EPHB6: variants seen among roughly 807,000 people sequenced by gnomAD.
EPHB6 encodes ephrin type-B receptor 6.
In EPHB6, 51 loss-of-function variants were observed where a neutral mutation model predicts 107.0. The observed-to-expected ratio is 0.48, with a 90% CI of 0.38 to 0.60. EPHB6 has a LOEUF of 0.60. Among genes scored for constraint, EPHB6 ranks in the 20% least tolerant of loss-of-function variants. The pLI, the probability that EPHB6 is intolerant of heterozygous loss-of-function variation, is 0.00. For synonymous variants in EPHB6, 553 were observed against 549.0 expected, an observed-to-expected ratio of 1.01 and a Z score of -0.10; for missense variants, 1,141 against 1,355.5, an observed-to-expected ratio of 0.84 and a Z score of 2.48.
In EPHB6 at chr7:142,868,932, G is replaced by A. The variant is rs113306865; in HGVS notation, c.2287-42G>A. On this transcript the variant is annotated intron_variant, in intron 15 of 19. Transcript: ENST00000652003. The surrounding 1 kb of genome is among the most constrained non-coding windows in gnomAD (Gnocchi z 4.2). Reference sequence around the variant, plus strand: ...ATGCAGTATGTTGAGGTCTCCCCCTGTCTCCGATCACTGACCTCTGCCCCC... The same window carrying A: ...ATGCAGTATGTTGAGGTCTCCCCCTATCTCCGATCACTGACCTCTGCCCCC... 31 of 1,445,688 alleles carry A rather than the reference G, an allele frequency of 2.1e-5. No individual in the cohort carries two copies. The highest frequency in any genetic ancestry group is 1.8e-4 in the Middle Eastern group (1 of 5,462). 89.6% of individuals were successfully genotyped at this position (1,445,688 alleles called of 1,614,324 possible).
In EPHB6 at chr7:142,864,649, C is replaced by T. The variant is rs61732976; in HGVS notation, c.849C>T (p.Pro283=). 1.1e-3 allele frequency: 1,738 copies of T among 1,612,702 alleles called. 14 individuals are homozygous for T. In the African/African-American group the frequency reaches 0.02, roughly 19 times the overall value. The change falls in exon 7 of 20, where the codon CCC becomes CCT. Residue 283 remains proline (P), a synonymous_variant. Coordinates refer to ENST00000652003, the MANE Select transcript of EPHB6 (RefSeq NM_004445.6). ...GVGGQAGGSP[P]RLHCNGEGKW... is the part of the protein sequence containing the mutation. ...GGGGCCAGGCAGGAGGCAGCCCCCCCAGGCTGCACTGCAACGGGGAGGGCA... is the reference window on the plus strand; with the variant it reads ...GGGGCCAGGCAGGAGGCAGCCCCCCTAGGCTGCACTGCAACGGGGAGGGCA...
Position 142,864,691 on chromosome 7 carries a change from CG to C in EPHB6, c.896del (p.Gly299AlafsTer143), listed in dbSNP as rs1554520615. On this transcript the variant is annotated frameshift_variant, in exon 7 of 20. Coordinates refer to ENST00000652003, the MANE Select transcript of EPHB6 (RefSeq NM_004445.6). LOFTEE classifies it high-confidence loss of function. ...NGEGKWMVAV[G>X]GCRCQPGYQP... ...GGGAGGGCAAGTGGATGGTAGCTGT[CG>C]GGGGCTGCCGCTGCCAGCCTGGATA... The C allele has an allele frequency of 6.2e-7, 1 of 1,612,644 alleles. No homozygotes were observed. The highest frequency in any genetic ancestry group is 1.7e-5 in the Admixed American group (1 of 60,008).
At position 142,865,990 on chromosome 7, in the gene EPHB6, T is replaced by C; in HGVS notation, c.1136T>C (p.Phe379Ser). 9.9e-6 allele frequency: 16 copies of C among 1,613,950 alleles called. No individual in the cohort carries two copies. The highest frequency in any genetic ancestry group is 1.4e-5 in the Non-Finnish European group (16 of 1,179,998). ...CCATCGGCTCCCCAGGAGCTTTGGTTTGAGGTGCAAGGCTCAGCACTCATG... is the reference window on the plus strand; with the variant it reads ...CCATCGGCTCCCCAGGAGCTTTGGTCTGAGGTGCAAGGCTCAGCACTCATG... ...GPPSAPQELW[F>S]EVQGSALMLH... The change falls in exon 9 of 20, where the codon TTT becomes TCT. Residue 379 changes from phenylalanine to serine, a missense_variant. Phe to Ser is a radical substitution (Grantham distance 155, BLOSUM62 -2). Coordinates refer to ENST00000652003, the MANE Select transcript of EPHB6 (RefSeq NM_004445.6).
rs575986383 is a variant in EPHB6, at chr7:142,870,086, A to G, written c.2610+120A>G. ...AAGATCTCATGGCTGTTGGATTGCC[A>G]TATCTTTGAGTTCCTTCTCCACTCC... On this transcript the variant is annotated intron_variant, in intron 17 of 19. Coordinates refer to ENST00000652003, the MANE Select transcript of EPHB6 (RefSeq NM_004445.6). The G allele has an allele frequency of 8.8e-6, 14 of 1,587,616 alleles. No individual in the cohort carries two copies. In the East Asian group the frequency reaches 2.9e-4, roughly 33 times the overall value.
chr7:142,865,106 C>T (rs1018395229), intron 7 of EPHB6, among the ~76,000 whole-genome samples: 2 of 152,128 alleles, frequency 1.3e-5, no homozygotes, highest in Admixed American at 6.5e-5. Flanking sequence ...CCCTGCCTCG[C>T]TGGGCCAGGT....
At position 142,864,343 on chromosome 7, in the gene EPHB6, T is replaced by C; in HGVS notation, c.543T>C (p.Ala181=). ...CCTCTTCTTCCTCTGCAGCGTGGGCTGTGGGACCCCACGGGGCTGGGCAGC... is the reference window on the plus strand; with the variant it reads ...CCTCTTCTTCCTCTGCAGCGTGGGCCGTGGGACCCCACGGGGCTGGGCAGC... ...SSSSSSSAAW[A]VGPHGAGQRA... The change falls in exon 7 of 20, where the codon GCT becomes GCC. Residue 181 remains alanine, a synonymous_variant. Transcript: ENST00000652003. 6.2e-7 allele frequency: 1 copy of C among 1,613,416 alleles called. No homozygotes were observed. Among genetic ancestry groups the C allele is most frequent in the Non-Finnish European group, 8.5e-7 (1 of 1,180,038 alleles).
In EPHB6 at chr7:142,855,259, G is replaced by A. The variant is rs1802544087; in HGVS notation, c.-558G>A. On this transcript the variant is annotated 5_prime_UTR_variant, in exon 1 of 20. Coordinates refer to ENST00000652003, the MANE Select transcript of EPHB6 (RefSeq NM_004445.6). The surrounding 1 kb of genome is among the most constrained non-coding windows in gnomAD (Gnocchi z 4.2). ...GGGACTCTCGGCGCCGAACGGACCC[G>A]GGCCGGGTGCAACGGGGTCCCCGGA... 1 of 152,222 alleles carries A rather than the reference G, an allele frequency of 6.6e-6. No individual in the cohort carries two copies. The highest frequency in any genetic ancestry group is 1.5e-5 in the Non-Finnish European group (1 of 68,064). The allele number at this position is 152,222 out of a possible 1,614,324, so 9.4% of individuals were successfully genotyped here.
At chr7:142,860,599 A>C (rs1802797569) in intron 1 of EPHB6, among the ~76,000 whole-genome samples, 1 of 152,238 alleles carries the variant, frequency 6.6e-6, no homozygotes, top group African/African-American at 2.4e-5. Context: ...GTAACATTTC[A>C]GACATTTTTG....
In EPHB6 at chr7:142,870,666, G is replaced by A. The variant is rs2116494900; in HGVS notation, c.2941G>A (p.Val981Met). 2.5e-6 allele frequency: 4 copies of A among 1,614,246 alleles called. No individual in the cohort carries two copies. The highest frequency in any genetic ancestry group is 1.6e-4 in the Middle Eastern group (1 of 6,062). ...SKFGLCTFSD[V>M]AQLSLEDLPA... is the part of the protein sequence containing the mutation. ...GTTTGGCCTCTGTACCTTCAGTGAT[G>A]TGGCTCAGCTCAGCCTAGAGTAAGC... Residue 981 changes from valine to methionine, a missense_variant, in exon 19 of 20, where the codon GTG (valine) becomes ATG (methionine). Transcript: ENST00000652003.
chr7:142,864,802 C>G (rs1803065596), intron 7 of EPHB6, 53 bp downstream of exon 7: 2 of 1,605,892 alleles, frequency 1.2e-6, no homozygotes, highest in South Asian at 2.2e-5. Context: ...CACCCCCAGC[C>G]TTTGGGCTCC....
At position 142,867,649 on chromosome 7, in the gene EPHB6, A is replaced by T. The variant is rs965837486; in HGVS notation, c.1792A>T (p.Ile598Phe). Reference sequence around the variant, plus strand: ...GCTTCCAGAAAGACTCTCCTTGGTGATCGGCTCCATCCTGGGGGCTTTGGC... The same window carrying T: ...GCTTCCAGAAAGACTCTCCTTGGTGTTCGGCTCCATCCTGGGGGCTTTGGC... ...SQLPERLSLV[I>F]GSILGALAFL... is the part of the protein sequence containing the mutation. The change falls in exon 12 of 20, where the codon ATC (isoleucine) becomes TTC (phenylalanine). Residue 598 changes from isoleucine to phenylalanine, a missense_variant. Around this residue, in one of 3 missense-constraint regions of EPHB6, gnomAD observed 616 missense variants for 759.3 expected, o/e 0.81. Coordinates refer to ENST00000652003, the MANE Select transcript of EPHB6 (RefSeq NM_004445.6). This position sits in a 1 kb window ranked among gnomAD's most constrained non-coding sequence, Gnocchi z 5.3. 15 of 1,613,458 alleles carry T rather than the reference A, an allele frequency of 9.3e-6. No individual in the cohort carries two copies. The Admixed American group carries it at 1.3e-4, about 14-fold the overall frequency.
In EPHB6 at chr7:142,866,797, G is replaced by T. The variant is rs186950384; in HGVS notation, c.1588-109G>T. The T allele has an allele frequency of 6.3e-7, 1 of 1,592,540 alleles. No homozygotes were observed. The highest frequency in any genetic ancestry group is 8.6e-7 in the Non-Finnish European group (1 of 1,162,828). On this transcript the variant is annotated intron_variant, in intron 10 of 19. Coordinates refer to ENST00000652003, the MANE Select transcript of EPHB6 (RefSeq NM_004445.6). This position sits in a 1 kb window ranked among gnomAD's most constrained non-coding sequence, Gnocchi z 5.2. ...GAGGTGCCCAGAAGTGTGCAGCACT[G>T]GGCATGTGTCTGAGAGCCCTGTCAA... is the stretch of plus-strand genomic sequence containing the variant.
rs1802578507 is a variant in EPHB6, at chr7:142,855,818, C to A, written c.-432+433C>A. Among the ~76,000 whole-genome samples the A allele has an allele frequency of 6.6e-6, 1 of 152,136 alleles. No individual in the cohort carries two copies. Among genetic ancestry groups the A allele is most frequent in the East Asian group, 1.9e-4 (1 of 5,182 alleles). ...CAGGAGGCTGACCACACACCTGTCC[C>A]CTGCTCCCCACAAGGCACTGTCCCC... is the stretch of plus-strand genomic sequence containing the variant. On this transcript the variant is annotated intron_variant, in intron 1 of 19. Transcript: ENST00000652003. This position sits in a 1 kb window ranked among gnomAD's most constrained non-coding sequence, Gnocchi z 4.2.
Position 142,855,294 on chromosome 7 carries a change from A to T in EPHB6, c.-523A>T, listed in dbSNP as rs2116359170. 1 of 152,066 alleles carries T rather than the reference A, an allele frequency of 6.6e-6. No homozygotes were observed. The highest frequency in any genetic ancestry group is 1.5e-5 in the Non-Finnish European group (1 of 68,012). The allele number at this position is 152,066 out of a possible 1,614,324, so 9.4% of individuals were successfully genotyped here. On this transcript the variant is annotated 5_prime_UTR_variant, in exon 1 of 20. Coordinates refer to ENST00000652003, the MANE Select transcript of EPHB6 (RefSeq NM_004445.6). This position sits in a 1 kb window ranked among gnomAD's most constrained non-coding sequence, Gnocchi z 4.2. Reference sequence around the variant, plus strand: ...CAACGGGGTCCCCGGACTGGAGAAGACGCGGGTGGCACCGTGCGAGCTCCA... The same window carrying T: ...CAACGGGGTCCCCGGACTGGAGAAGTCGCGGGTGGCACCGTGCGAGCTCCA...
intron 1 of EPHB6, among the ~76,000 whole-genome samples, chr7:142,860,090 C>A (rs1412832906): frequency 6.6e-6 from 1 of 152,224 alleles, no homozygotes; most frequent in Non-Finnish European, 1.5e-5. Context: ...TGCAGCGCAT[C>A]TTTTCTATCT....
At position 142,864,538 on chromosome 7, in the gene EPHB6, G is replaced by A. The variant is rs756943658; in HGVS notation, c.738G>A (p.Thr246=). Residue 246 remains threonine (T), a synonymous_variant, in exon 7 of 20, where the codon ACG becomes ACA. Transcript: ENST00000652003. ...GATCCTTTGCTTCCTTTCCAGAGAC[G>A]CAGGCCAGTGGGGCTGGGGGGGCCT... The part of the protein sequence containing the change: ...VLRSFASFPE[T]QASGAGGASL... 6.8e-6 allele frequency: 11 copies of A among 1,613,222 alleles called. No individual in the cohort carries two copies. The highest frequency in any genetic ancestry group is 5.0e-5 in the Admixed American group (3 of 60,002).
At chr7:142,865,300 T>C (rs1322503599) in intron 7 of EPHB6, among the ~76,000 whole-genome samples, 175 bp from the exon 8 acceptor site, 4 of 152,202 alleles carry the variant, frequency 2.6e-5, no homozygotes, top group African/African-American at 9.7e-5. Flanking sequence ...GTCCCAGCAA[T>C]TGGCAGAAGA....
intron 5 of EPHB6, 62 bp from the exon 6 acceptor site, chr7:142,863,569 G>A: frequency 6.4e-7 from 1 of 1,573,662 alleles, no homozygotes; most frequent in Non-Finnish European, 8.7e-7. Flanking sequence ...TGGGAATAGA[G>A]TAGGGGCTGG....
chr7:142,870,565 A>G lies in EPHB6; in HGVS notation c.2840A>G (p.Asp947Gly). The change falls in exon 19 of 20, where the codon GAC (aspartate) becomes GGC (glycine). Residue 947 changes from aspartate (D) to glycine (G), a missense_variant. By Grantham distance (94) the Asp-to-Gly change is moderately conservative. Transcript: ENST00000652003. ...GCCCTTCTGACCCCTGTGGCCCTGG[A>G]CTTTCCTTGTCTGGACTCACCCCAG... ...SQALLTPVAL[D>G]FPCLDSPQAW... is the part of the protein sequence containing the mutation. 14 of 1,614,168 alleles carry G rather than the reference A, an allele frequency of 8.7e-6. No homozygotes were observed. Among genetic ancestry groups the G allele is most frequent in the Non-Finnish European group, 1.2e-5 (14 of 1,180,016 alleles).
Sources: gnomAD v4.1 joint callset for allele counts (sites outside exome capture counted in the v4.1 genomes callset) on GRCh38, gnomAD v4.1.1 for gene constraint, gnomAD v4.1.1 regional missense constraint, Gnocchi (gnomAD v3.1) non-coding constraint, MANE v1.5 for transcripts, NCBI Gene and HGNC (gene_info 2026-07-23, HGNC 2026-07-21) for gene names.